The following UBE3A variants were observed in gnomAD, a reference collection of about 807,000 sequenced individuals.
UBE3A encodes ubiquitin protein ligase E3A.
Under a neutral mutation model 83.4 loss-of-function variants are expected in UBE3A, and 6 were observed. That is an observed-to-expected ratio of 0.07 (90% confidence interval 0.04 to 0.14). UBE3A has a LOEUF of 0.14. UBE3A is among the 10% of genes least tolerant of loss of function. The probability of loss-of-function intolerance (pLI) is 1.00; values close to 1 mark genes in which losing one functional copy is unlikely to be tolerated. For missense variants in UBE3A, 456 were observed against 1,036.1 expected (o/e 0.44, Z 7.69); for synonymous variants, 337 against 355.4 (o/e 0.95, Z 0.58).
chr15:25,339,350 T>C (rs1490200916), intron 12 of UBE3A, 93 bp from the exon 13 acceptor site: 1 of 1,501,698 alleles, frequency 6.7e-7, no homozygotes. Flanking sequence ...TTGTATATAG[T>C]TGAGACGGTC....
intron 1 of UBE3A, chr15:25,413,069 A>C (rs2090280249): frequency 2.3e-6 from 1 of 440,114 alleles, no homozygotes; most frequent in East Asian, 7.3e-5. Context: ...TTAGGAACAC[A>C]TAATCATGGA....
intron 6 of UBE3A, among the ~76,000 whole-genome samples, chr15:25,365,486 T>C (rs1469531964): frequency 2.0e-5 from 3 of 151,924 alleles, no homozygotes; most frequent in Non-Finnish European, 4.4e-5. Context: ...TGGTGGCTCA[T>C]GCCTGTAATC....
At chr15:25,358,475 G>GA (rs1278642913) in intron 7 of UBE3A, among the ~76,000 whole-genome samples, 1 of 151,808 alleles carries the variant, frequency 6.6e-6, no homozygotes, top group African/African-American at 2.4e-5. Context: ...AATGACTAAG[G>GA]AAAAAAATTT....
chr15:25,344,970 TG>T (rs1168813030), intron 11 of UBE3A, among the ~76,000 whole-genome samples: 1 of 152,150 alleles, frequency 6.6e-6, no homozygotes, highest in East Asian at 1.9e-4. Context: ...TATTATTTTT[TG>T]TTTTATTCCC....
Position 25,370,464 on chromosome 15 carries a change from T to G in UBE3A, c.1608+102A>C. 7.4e-7 allele frequency: 1 copy of G among 1,356,446 alleles called. No individual in the cohort carries two copies. Among genetic ancestry groups the G allele is most frequent in the Non-Finnish European group, 1.1e-6 (1 of 946,530 alleles). The allele number at this position is 1,356,446 out of a possible 1,614,324, so 84.0% of individuals were successfully genotyped here. On this transcript the variant is annotated intron_variant, in intron 6 of 12. Transcript: ENST00000648336. The surrounding 1 kb of genome is among the most constrained non-coding windows in gnomAD (Gnocchi z 4.2). The stretch of plus-strand genomic sequence containing the variant: ...GATCAGAAATGTCCATGTGTTCCTA[T>G]GCTATATGGTATCATTTTTTTCAGT...
intron 1 of UBE3A, among the ~76,000 whole-genome samples, chr15:25,417,334 T>C (rs1887407998): frequency 6.6e-6 from 1 of 151,956 alleles, no homozygotes; most frequent in Non-Finnish European, 1.5e-5. Context: ...GTTATTTAGG[T>C]GGCTACAAAA....
In UBE3A at chr15:25,337,679, ACAATCAGT is replaced by A. The variant is rs376428511; in HGVS notation, c.*1450_*1457del. On this transcript the variant is annotated 3_prime_UTR_variant, in exon 13 of 13. Transcript: ENST00000648336. ...GGTTGATCTACAGTAATCAGTTAAA[ACAATCAGT>A]CAATCAATCAATCAATCACCAAGGC... 2.6e-5 allele frequency: 4 copies of A among 152,182 alleles called. No individual in the cohort carries two copies. Among genetic ancestry groups the A allele is most frequent in the Middle Eastern group, 3.4e-3 (1 of 294 alleles). 9.4% of individuals were successfully genotyped at this position (152,182 alleles called of 1,614,324 possible).
chr15:25,351,988 G>GT (rs1308269594), intron 11 of UBE3A, among the ~76,000 whole-genome samples: 4 of 151,506 alleles, frequency 2.6e-5, no homozygotes, highest in Non-Finnish European at 4.4e-5. Flanking sequence ...GAGGTCAGGA[G>GT]TTTGAGACCA....
chr15:25,399,852 C>T (rs974803546), intron 4 of UBE3A, among the ~76,000 whole-genome samples: 15 of 151,962 alleles, frequency 9.9e-5, no homozygotes, highest in Non-Finnish European at 2.1e-4. Context: ...TGTGGGAATA[C>T]ACGTGTGAGC....
At chr15:25,427,710 G>T (rs1891778108) in intron 1 of UBE3A, among the ~76,000 whole-genome samples, 1 of 145,126 alleles carries the variant, frequency 6.9e-6, no homozygotes, top group African/African-American at 2.6e-5. Flanking sequence ...ACTATCGCTT[G>T]AGGCCAGGGG....
At position 25,338,993 on chromosome 15, in the gene UBE3A, T is replaced by C. The variant is rs2074258625; in HGVS notation, c.*144A>G. 2.3e-6 allele frequency: 2 copies of C among 868,930 alleles called. No individual in the cohort carries two copies. The highest frequency in any genetic ancestry group is 1.6e-6 in the Non-Finnish European group (1 of 612,348). The allele number at this position is 868,930 out of a possible 1,614,324, so 53.8% of individuals were successfully genotyped here. A position where few individuals can be genotyped will look rare whatever the true frequency, so the allele number is the denominator to read the frequency against. The stretch of plus-strand genomic sequence containing the variant: ...GAAGGGAGGCACAGACATAGGTGAC[T>C]ACTGTGGTTGACTATCTTACAGCCT... On this transcript the variant is annotated 3_prime_UTR_variant, in exon 13 of 13. Coordinates refer to ENST00000648336, the MANE Select transcript of UBE3A (RefSeq NM_130839.5).
chr15:25,394,386 A>G (rs780411368), intron 4 of UBE3A, among the ~76,000 whole-genome samples: 6 of 152,234 alleles, frequency 3.9e-5, no homozygotes, highest in Non-Finnish European at 7.3e-5. Flanking sequence ...GAAGCATACA[A>G]AAGGACCTTC....
intron 6 of UBE3A, among the ~76,000 whole-genome samples, chr15:25,369,177 A>G (rs964678972): frequency 6.6e-6 from 1 of 152,142 alleles, no homozygotes; most frequent in African/African-American, 2.4e-5. Flanking sequence ...CATTAAGTGT[A>G]TTAATTATTC....
Position 25,375,527 on chromosome 15 carries a change from G to C in UBE3A, c.299C>G (p.Ala100Gly). 6.2e-7 allele frequency: 1 copy of C among 1,614,138 alleles called. No individual in the cohort carries two copies. Among genetic ancestry groups the C allele is most frequent in the Non-Finnish European group, 8.5e-7 (1 of 1,180,016 alleles). Residue 100 changes from alanine (A) to glycine (G), a missense_variant, in exon 5 of 13, where the codon GCC becomes GGC. This residue lies in a region of UBE3A where 36 missense variants were observed against 28.5 expected (regional missense o/e 1.26). Coordinates refer to ENST00000648336, the MANE Select transcript of UBE3A (RefSeq NM_130839.5). Reference protein sequence around the residue: ...SSAYLENSKGAPNNSCSEIKM... With the variant: ...SSAYLENSKGGPNNSCSEIKM... ...TATCTCAGAGCAGGAGTTGTTGGGG[G>C]CACCTTTCGAGTTCTCAAGGTAAGC...
At chr15:25,342,595 CCT>C (rs1198047067) in intron 11 of UBE3A, among the ~76,000 whole-genome samples, 22 of 151,924 alleles carry the variant, frequency 1.4e-4, no homozygotes, top group Non-Finnish European at 2.9e-4. Flanking sequence ...TCGATCACAT[CCT>C]ACTCACATCT....
chr15:25,339,738 C>A, intron 12 of UBE3A: 1 of 353,296 alleles, frequency 2.8e-6, no homozygotes, highest in Middle Eastern at 9.4e-4. Context: ...TAACAGGATT[C>A]TAGCACAATC....
chr15:25,389,913 G>A (rs942070423), intron 4 of UBE3A, among the ~76,000 whole-genome samples: 3 of 149,852 alleles, frequency 2.0e-5, no homozygotes, highest in African/African-American at 7.4e-5. Context: ...AGACAGACAA[G>A]ACAGACAGAG....
chr15:25,408,259 C>G (rs767694814), intron 3 of UBE3A: 5 of 304,322 alleles, frequency 1.6e-5, no homozygotes, highest in Non-Finnish European at 3.1e-5. Context: ...CACCTAGCAA[C>G]AGTTCCCAAG....
At chr15:25,377,275 T>C (rs1236667956) in intron 4 of UBE3A, among the ~76,000 whole-genome samples, 1 of 152,168 alleles carries the variant, frequency 6.6e-6, no homozygotes, top group Non-Finnish European at 1.5e-5. Context: ...CAAAAAGTGA[T>C]AATTCACACA....
Sources: allele counts gnomAD v4.1 joint callset (sites outside exome capture counted in the v4.1 genomes callset), GRCh38; gene constraint gnomAD v4.1.1; regional missense constraint gnomAD v4.1.1; non-coding constraint Gnocchi (gnomAD v3.1); transcripts MANE v1.5; gene names NCBI Gene and HGNC (gene_info 2026-07-23, HGNC 2026-07-21).